Variants in MAPK10 observed in about 807,000 individuals in gnomAD.
The protein encoded by MAPK10 is JNK3 alpha protein kinase.
MAPK10 carries 25 observed loss-of-function variants against 59.3 expected under a neutral mutation model. That is an observed-to-expected ratio of 0.42 (90% confidence interval 0.31 to 0.59). The LOEUF is 0.59. Ranked by LOEUF, MAPK10 falls within the 20% of genes least tolerant of loss-of-function variation. MAPK10 has a pLI of 0.15. For synonymous variants in MAPK10, 190 were observed against 200.5 expected (o/e 0.95, Z 0.44); for missense variants, 351 against 568.9 (o/e 0.62, Z 3.90).
At chr4:86,206,247 C>T (rs1307384404) in intron 2 of MAPK10, among the ~76,000 whole-genome samples, 2 of 151,434 alleles carry the variant, frequency 1.3e-5, no homozygotes, top group African/African-American at 4.9e-5. Flanking sequence ...TTCCTGTGTC[C>T]GTGTGTTCGC....
chr4:86,258,073 A>G (rs1180386907), intron 2 of MAPK10, among the ~76,000 whole-genome samples: 2 of 152,162 alleles, frequency 1.3e-5, no homozygotes, highest in Non-Finnish European at 2.9e-5. Context: ...TCATGAAAAA[A>G]GGATTCCGGC....
chr4:86,429,634 C>T (rs984118111), intron 1 of MAPK10: 1 of 151,820 alleles, frequency 6.6e-6, no homozygotes, highest in African/African-American at 2.4e-5. Flanking sequence ...GAAACCCCAC[C>T]TCTACAAAAA....
intron 1 of MAPK10, among the ~76,000 whole-genome samples, chr4:86,401,450 G>A (rs925086278): frequency 6.6e-6 from 1 of 152,078 alleles, no homozygotes; most frequent in Non-Finnish European, 1.5e-5. Context: ...AATTACAATT[G>A]GTAGAAAGAT....
chr4:86,026,318 A>C (rs1463417492), intron 13 of MAPK10: 1 of 152,210 alleles, frequency 6.6e-6, no homozygotes, highest in Admixed American at 6.5e-5. Flanking sequence ...GAAGAAAATT[A>C]ATTTCAATTC....
chr4:86,142,703 C>T (rs141243499), intron 4 of MAPK10, among the ~76,000 whole-genome samples: 1,788 of 152,264 alleles, frequency 0.012, 18 homozygotes, highest in South Asian at 0.03. Context: ...AAAGCCCATA[C>T]ATCAAAGTCA....
intron 1 of MAPK10, among the ~76,000 whole-genome samples, chr4:86,426,156 C>T (rs1182336737): frequency 6.6e-6 from 1 of 152,170 alleles, no homozygotes; most frequent in Non-Finnish European, 1.5e-5. Flanking sequence ...TTTCACTTTA[C>T]AGTATGCTAT....
At chr4:86,231,824 T>C (rs930605002) in intron 2 of MAPK10, among the ~76,000 whole-genome samples, 1 of 152,080 alleles carries the variant, frequency 6.6e-6, no homozygotes, top group South Asian at 2.1e-4. Context: ...AAAATGAAAA[T>C]GCAGGACCCT....
At chr4:86,385,893 G>C (rs888519192) in intron 1 of MAPK10, among the ~76,000 whole-genome samples, 9 of 152,180 alleles carry the variant, frequency 5.9e-5, no homozygotes, top group African/African-American at 2.4e-5. Flanking sequence ...AAGGTGGTTA[G>C]ACTATAGCAC....
chr4:86,488,114 G>A (rs1754157268), intron 1 of MAPK10, among the ~76,000 whole-genome samples: 1 of 152,122 alleles, frequency 6.6e-6, no homozygotes, highest in South Asian at 2.1e-4. Flanking sequence ...TCCCTTGACA[G>A]ATTAGCTCAC....
chr4:86,260,566 G>C (rs1301874344), intron 2 of MAPK10, among the ~76,000 whole-genome samples: 1 of 152,032 alleles, frequency 6.6e-6, no homozygotes, highest in Non-Finnish European at 1.5e-5. Flanking sequence ...AGAGTTCTTA[G>C]GCACCCTGGC....
chr4:86,118,544 G>A (rs1048848685), intron 4 of MAPK10, among the ~76,000 whole-genome samples: 1 of 149,330 alleles, frequency 6.7e-6, no homozygotes, highest in African/African-American at 2.5e-5. Flanking sequence ...ATAAAGCTAT[G>A]TTTACCTCCT....
At chr4:86,208,676 G>A (rs2084890414) in intron 2 of MAPK10, among the ~76,000 whole-genome samples, 1 of 151,708 alleles carries the variant, frequency 6.6e-6, no homozygotes, top group African/African-American at 2.4e-5. Context: ...TTGAAAACTG[G>A]CACAAGACAG....
chr4:86,261,517 G>T (rs1051718450), intron 2 of MAPK10, among the ~76,000 whole-genome samples: 1 of 152,178 alleles, frequency 6.6e-6, no homozygotes. Context: ...CTTAGAATCT[G>T]ATCTTTAATT....
chr4:86,097,870 A>G (rs2054539876), intron 9 of MAPK10, among the ~76,000 whole-genome samples: 1 of 152,152 alleles, frequency 6.6e-6, no homozygotes, highest in African/African-American at 2.4e-5. Flanking sequence ...AAATTGCTTT[A>G]TGAAATTATA....
chr4:86,492,078 G>C (rs917241551), intron 1 of MAPK10, among the ~76,000 whole-genome samples: 2 of 152,224 alleles, frequency 1.3e-5, no homozygotes, highest in Non-Finnish European at 2.9e-5. Context: ...CAGTAGAGAA[G>C]TTTGATTTAG....
At chr4:86,221,157 T>C (rs148705664) in intron 2 of MAPK10, among the ~76,000 whole-genome samples, 1 of 152,196 alleles carries the variant, frequency 6.6e-6, no homozygotes, top group African/African-American at 2.4e-5. Context: ...AGTGTGAAGC[T>C]AGAAAGACAA....
At chr4:86,278,054 G>A (rs1426974022) in intron 2 of MAPK10, among the ~76,000 whole-genome samples, 1 of 151,916 alleles carries the variant, frequency 6.6e-6, no homozygotes, top group Non-Finnish European at 1.5e-5. Flanking sequence ...GCTTACACAG[G>A]GACAATTGCT....
intron 1 of MAPK10, among the ~76,000 whole-genome samples, chr4:86,575,107 A>G (rs1234994307): frequency 6.6e-6 from 1 of 152,156 alleles, no homozygotes; most frequent in African/African-American, 2.4e-5. Context: ...GAGGAAAGAG[A>G]AACTCCCTTC....
chr4:86,099,990 C>A (rs2055036904), intron 8 of MAPK10: 1 of 152,116 alleles, frequency 6.6e-6, no homozygotes, highest in African/African-American at 2.4e-5. Flanking sequence ...TAAATGCATA[C>A]ATACATTATC....
Sources: allele counts gnomAD v4.1 joint callset (sites outside exome capture counted in the v4.1 genomes callset), GRCh38; gene constraint gnomAD v4.1.1; transcripts MANE v1.5; gene names NCBI Gene and HGNC (gene_info 2026-07-23, HGNC 2026-07-21).